The following SGSH variants were observed in gnomAD, a reference collection of about 807,000 sequenced individuals.
The protein encoded by SGSH is N-sulfoglucosamine sulfohydrolase.
Under a neutral mutation model 51.0 loss-of-function variants are expected in SGSH, and 48 were observed. The ratio of observed to expected loss-of-function variants is 0.94; its 90% CI spans 0.75 to 1.20. The LOEUF (loss-of-function observed/expected upper bound fraction) is 1.20, where lower values mean the gene tolerates loss of function less well. SGSH is among the 50% of genes most tolerant of loss of function. SGSH has a pLI of 0.00. For missense variants in SGSH, 662 were observed against 717.8 expected (o/e 0.92, Z 0.89); for synonymous variants, 321 against 313.4 (o/e 1.02, Z -0.26).
In SGSH at chr17:80,214,214, G is replaced by T; in HGVS notation, c.621C>A (p.Ile207=). Residue 207 remains isoleucine (I), a synonymous_variant, in exon 5 of 8, where the codon ATC becomes ATA. Coordinates refer to ENST00000326317, the MANE Select transcript of SGSH (RefSeq NM_000199.5). ...FGNGESGMGR[I]PDWTPQAYDP... ...CGTAGGCCTGGGGGGTCCAGTCTGG[G>T]ATACGACCCATGCCGCTCTCTCCGT... 6.2e-7 allele frequency: 1 copy of T among 1,612,490 alleles called. No individual in the cohort carries two copies. Among genetic ancestry groups the T allele is most frequent in the Non-Finnish European group, 8.5e-7 (1 of 1,179,854 alleles).
At position 80,209,415 on chromosome 17, in the gene SGSH, C is replaced by T. The variant is rs542018784; in HGVS notation, c.*1037G>A. ...AGGGGAGCCCACCTACTCAAGGAAG[C>T]GCCCTCTCCTTCGAGGGGTGTCCAG... is the stretch of plus-strand genomic sequence containing the variant. On this transcript the variant is annotated 3_prime_UTR_variant, in exon 8 of 8. Coordinates refer to ENST00000326317, the MANE Select transcript of SGSH (RefSeq NM_000199.5). 12 of 985,540 alleles carry T rather than the reference C, an allele frequency of 1.2e-5. No homozygotes were observed. The highest frequency in any genetic ancestry group is 1.0e-4 in the African/African-American group (6 of 57,362). 61.0% of individuals were successfully genotyped at this position (985,540 alleles called of 1,614,324 possible). A position where few individuals can be genotyped will look rare whatever the true frequency, so the allele number is the denominator to read the frequency against.
At chr17:80,219,161 C>CAAAAAAAA (rs11430982) in intron 1 of SGSH, among the ~76,000 whole-genome samples, 2 of 54,256 alleles carry the variant, frequency 3.7e-5, no homozygotes, top group Non-Finnish European at 6.4e-5. Context: ...CCCTGTCTCA[C>CAAAAAAAA]AAAAAAAAAA....
In SGSH at chr17:80,210,052, A is replaced by G. The variant is rs974558697; in HGVS notation, c.*400T>C. On this transcript the variant is annotated 3_prime_UTR_variant, in exon 8 of 8. Coordinates refer to ENST00000326317, the MANE Select transcript of SGSH (RefSeq NM_000199.5). The stretch of plus-strand genomic sequence containing the variant: ...GGTTCAGAAGTATCTGTGGCTGCCA[A>G]AGCCTGAAGAGGGCCTCAGGCCTCC... 2.1e-5 allele frequency: 23 copies of G among 1,106,108 alleles called. No individual in the cohort carries two copies. Among genetic ancestry groups the G allele is most frequent in the Admixed American group, 1.4e-4 (3 of 21,656 alleles). The allele number at this position is 1,106,108 out of a possible 1,614,324, so 68.5% of individuals were successfully genotyped here. A position where few individuals can be genotyped will look rare whatever the true frequency, so the allele number is the denominator to read the frequency against.
At chr17:80,217,268 G>A (rs1199718527) in intron 1 of SGSH, 76 bp from the exon 2 acceptor site, 1 of 1,519,608 alleles carries the variant, frequency 6.6e-7, no homozygotes, top group Non-Finnish European at 8.9e-7. Flanking sequence ...AGGGAGGCTG[G>A]GACTGTGATG....
Position 80,219,358 on chromosome 17 carries a change from C to A in SGSH, c.88+868G>T, listed in dbSNP as rs118157584. ...TCAGCCCACAGAACTGTGAGAAATA[C>A]ATTTCTGTTTAAGCCGATCCATGGC... On this transcript the variant is annotated intron_variant, in intron 1 of 7. Coordinates refer to ENST00000326317, the MANE Select transcript of SGSH (RefSeq NM_000199.5). Among the ~76,000 whole-genome samples, 788 of 152,246 alleles carry A rather than the reference C, an allele frequency of 5.2e-3. 2 individuals carry two copies. The highest frequency in any genetic ancestry group is 8.2e-3 in the Non-Finnish European group (559 of 68,022).
chr17:80,220,202 T>G (rs2144831007), intron 1 of SGSH, 24 bp downstream of exon 1: 2 of 1,495,696 alleles, frequency 1.3e-6, no homozygotes, highest in Non-Finnish European at 1.8e-6. Flanking sequence ...CAGGTGGGCG[T>G]GGGGGGGCGG....
At chr17:80,209,195 G>A (rs749125730), downstream of SGSH, 83 of 593,484 alleles carry the variant, frequency 1.4e-4, no homozygotes, top group East Asian at 4.3e-4. Context: ...TCCTGGGGCT[G>A]TTGCAGACTG....
downstream of SGSH, chr17:80,208,250 G>A (rs767247623): frequency 1.0e-5 from 16 of 1,583,490 alleles, no homozygotes; most frequent in South Asian, 4.6e-5. Flanking sequence ...GGCTCCTGAC[G>A]GCTGGAGCGA....
At chr17:80,211,498 G>A (rs1170131442) in intron 7 of SGSH, 2 of 267,830 alleles carry the variant, frequency 7.5e-6, no homozygotes, top group African/African-American at 2.2e-5. Context: ...GGGTCACCCC[G>A]AGCCCCTCAC....
chr17:80,205,119 G>T, downstream of SGSH: 1 of 1,613,704 alleles, frequency 6.2e-7, no homozygotes. Context: ...GCCCGGCCCC[G>T]GCCTGTGCTC....
chr17:80,204,914 T>C, downstream of SGSH: 2 of 832,328 alleles, frequency 2.4e-6, no homozygotes, highest in Non-Finnish European at 3.6e-6. Context: ...CCTGTGCCCC[T>C]GGAATTCTAG....
downstream of SGSH, chr17:80,207,996 G>A (rs922318679): frequency 1.6e-5 from 9 of 566,760 alleles, no homozygotes; most frequent in Non-Finnish European, 2.7e-5. Flanking sequence ...GGGGCCTGGG[G>A]CCTATTTTCT....
At chr17:80,211,900 C>T (rs1270097940) in intron 7 of SGSH, 171 bp downstream of exon 7, 4 of 662,152 alleles carry the variant, frequency 6.0e-6, no homozygotes, top group Non-Finnish European at 8.2e-6. Flanking sequence ...CTTACTTCAC[C>T]TCTCTGAGCC....
intron 1 of SGSH, among the ~76,000 whole-genome samples, chr17:80,219,519 G>C (rs560184728): frequency 4.4e-4 from 67 of 152,342 alleles, no homozygotes; most frequent in African/African-American, 1.5e-3. Context: ...GAGTTGGCAG[G>C]AGAGCTGTTT....
rs766840480 is a variant in SGSH at position 80,212,070 on chromosome 17, C to G, written c.949+1G>C. The G allele has an allele frequency of 6.2e-7, 1 of 1,612,888 alleles. No individual in the cohort carries two copies. Among genetic ancestry groups the G allele is most frequent in the Non-Finnish European group, 8.5e-7 (1 of 1,179,688 alleles). On this transcript the variant is annotated splice_donor_variant, in intron 7 of 7. Transcript: ENST00000326317. LOFTEE classifies it high-confidence loss of function. The surrounding 1 kb of genome is among the most constrained non-coding windows in gnomAD (Gnocchi z 5.9). ...CCTGACGGAGACAGACAAAGGCATACCTAGGAGGCTCACGTAGGCCTCGCT... is the reference window on the plus strand; with the variant it reads ...CCTGACGGAGACAGACAAAGGCATAGCTAGGAGGCTCACGTAGGCCTCGCT...
Position 80,209,783 on chromosome 17 carries a change from G to A in SGSH, c.*669C>T, listed in dbSNP as rs747392113. 7.8e-5 allele frequency: 77 copies of A among 985,818 alleles called. No individual in the cohort carries two copies. Among genetic ancestry groups the A allele is most frequent in the Non-Finnish European group, 8.9e-5 (74 of 830,366 alleles). 61.1% of individuals were successfully genotyped at this position (985,818 alleles called of 1,614,324 possible). ...CTCAAAAAAGATAAGCTTCTGCCCA[G>A]AAACACCACAGGTTCAAGCTCATCA... On this transcript the variant is annotated 3_prime_UTR_variant, in exon 8 of 8. Coordinates refer to ENST00000326317, the MANE Select transcript of SGSH (RefSeq NM_000199.5).
At chr17:80,214,131 G>C (rs2041791307) in intron 5 of SGSH, 41 bp downstream of exon 5, 9 of 1,581,926 alleles carry the variant, frequency 5.7e-6, no homozygotes, top group Non-Finnish European at 6.9e-6. Context: ...CCCCGACCCA[G>C]GGCTGACGGG....
chr17:80,204,745 C>T (rs2041187138), downstream of SGSH: 6 of 430,610 alleles, frequency 1.4e-5, no homozygotes, highest in South Asian at 3.4e-4. Flanking sequence ...AGGAAGAAAA[C>T]CCTGGCTTCC....
chr17:80,206,839 A>T (rs1410107178), downstream of SGSH: 1 of 492,406 alleles, frequency 2.0e-6, no homozygotes, highest in Non-Finnish European at 3.6e-6. Context: ...CTCCTCTACA[A>T]AATTCAGCTC....
Sources: allele counts gnomAD v4.1 joint callset (sites outside exome capture counted in the v4.1 genomes callset), GRCh38; gene constraint gnomAD v4.1.1; non-coding constraint Gnocchi (gnomAD v3.1); transcripts MANE v1.5; gene names NCBI Gene and HGNC (gene_info 2026-07-23, HGNC 2026-07-21).